SMARCAD1: variants seen among roughly 807,000 people sequenced by gnomAD.
The protein encoded by SMARCAD1 is SNF2 related chromatin remodeling ATPase with DExD box 1.
A neutral mutation model predicts 127.1 loss-of-function variants in SMARCAD1; 25 were observed. That is an observed-to-expected ratio of 0.20 (90% CI 0.14 to 0.27). SMARCAD1 has a LOEUF of 0.27. Among genes scored for constraint, SMARCAD1 ranks in the 10% least tolerant of loss-of-function variants. The pLI is 1.00. For missense variants in SMARCAD1, 807 were observed against 1,206.0 expected (o/e 0.67, Z 4.90); for synonymous variants, 400 against 396.9 (o/e 1.01, Z -0.09).
At position 94,289,599 on chromosome 4, in the gene SMARCAD1, A is replaced by G. The variant is rs1360848663; in HGVS notation, c.*65A>G. On this transcript the variant is annotated 3_prime_UTR_variant, in exon 24 of 24. Transcript: ENST00000354268. ...ACTTGGTGCACTCAAGGACATTTAC[A>G]TTATGATGACCATGGGGTTTATGAA... The G allele has an allele frequency of 2.4e-6, 3 of 1,259,408 alleles. No individual in the cohort carries two copies. The highest frequency in any genetic ancestry group is 1.9e-4 in the Middle Eastern group (1 of 5,376). The allele number at this position is 1,259,408 out of a possible 1,614,324, so 78.0% of individuals were successfully genotyped here.
rs969517533 is a variant in SMARCAD1 at position 94,228,620 on chromosome 4, G to T, written c.368+2324G>T. Reference sequence around the variant, plus strand: ...ATCAGGGTACTGATTCCTTCACCAAGAATATCTTGCAGTGAAAAAAAAAAA... The same window carrying T: ...ATCAGGGTACTGATTCCTTCACCAATAATATCTTGCAGTGAAAAAAAAAAA... On this transcript the variant is annotated intron_variant, in intron 3 of 23. Coordinates refer to ENST00000354268, the MANE Select transcript of SMARCAD1 (RefSeq NM_020159.5). Among the ~76,000 whole-genome samples, 119 of 150,524 alleles carry T rather than the reference G, an allele frequency of 7.9e-4. 3 individuals carry two copies. Among genetic ancestry groups the T allele is most frequent in the Non-Finnish European group, 7.4e-5 (5 of 67,724 alleles).
intron 9 of SMARCAD1, chr4:94,253,764 AAC>A (rs1715544606): frequency 3.7e-6 from 3 of 818,746 alleles, no homozygotes; most frequent in Non-Finnish European, 4.4e-6. Context: ...TATGAATGCC[AAC>A]AGTCATCAAA....
Position 94,250,781 on chromosome 4 carries a change from A to G in SMARCAD1, c.837A>G (p.Glu279=), listed in dbSNP as rs759429185. The G allele has an allele frequency of 6.2e-7, 1 of 1,610,840 alleles. No individual in the cohort carries two copies. Among genetic ancestry groups the G allele is most frequent in the Non-Finnish European group, 8.5e-7 (1 of 1,178,496 alleles). ...QELREVLKEH[E]WMYTEALESL... ...TTAGAGAAGTACTCAAGGAACATGA[A>G]TGGATGTACACAGAAGCTTTAGAAT... Residue 279 remains glutamate, a synonymous_variant, in exon 8 of 24, where the codon GAA becomes GAG. Transcript: ENST00000354268.
chr4:94,232,724 G>C lies in SMARCAD1; in HGVS notation c.369-1230G>C, dbSNP rs377015910. On this transcript the variant is annotated intron_variant, in intron 3 of 23. Coordinates refer to ENST00000354268, the MANE Select transcript of SMARCAD1 (RefSeq NM_020159.5). Reference sequence around the variant, plus strand: ...TCCCAGCACTTTGGAAGGCCAAGGCGGGCGGATCGCTTGAGCCTAGGAGTT... The same window carrying C: ...TCCCAGCACTTTGGAAGGCCAAGGCCGGCGGATCGCTTGAGCCTAGGAGTT... Among the ~76,000 whole-genome samples the C allele has an allele frequency of 2.0e-5, 3 of 152,294 alleles. No homozygotes were observed. The South Asian group carries it at 6.2e-4, about 32-fold the overall frequency.
At position 94,290,942 on chromosome 4, in the gene SMARCAD1, A is replaced by C. The variant is rs931928503; in HGVS notation, c.*1408A>C. The C allele has an allele frequency of 6.6e-6, 3 of 453,388 alleles. No individual in the cohort carries two copies. The highest frequency in any genetic ancestry group is 1.3e-5 in the Non-Finnish European group (3 of 226,472). 28.1% of individuals were successfully genotyped at this position (453,388 alleles called of 1,614,324 possible). A position where few individuals can be genotyped will look rare whatever the true frequency, so the allele number is the denominator to read the frequency against. On this transcript the variant is annotated 3_prime_UTR_variant, in exon 24 of 24. Coordinates refer to ENST00000354268, the MANE Select transcript of SMARCAD1 (RefSeq NM_020159.5). The stretch of plus-strand genomic sequence containing the variant: ...CTCTTACAGTGATTATTTAGATATT[A>C]AAGACTGAGAACTCACGGCTTAACC...
intron 10 of SMARCAD1, among the ~76,000 whole-genome samples, chr4:94,269,399 G>A (rs1752205660): frequency 6.6e-6 from 1 of 152,008 alleles, no homozygotes; most frequent in Non-Finnish European, 1.5e-5. Flanking sequence ...AGGTGTTTTA[G>A]TGAATATGAG....
intron 3 of SMARCAD1, among the ~76,000 whole-genome samples, chr4:94,226,605 C>T (rs1008827834): frequency 2.7e-5 from 4 of 147,320 alleles, no homozygotes; most frequent in Non-Finnish European, 4.4e-5. Flanking sequence ...TACCTTTGAT[C>T]GTGTATAACT....
intron 19 of SMARCAD1, among the ~76,000 whole-genome samples, chr4:94,279,379 A>T (rs1251810867): frequency 6.6e-6 from 1 of 152,064 alleles, no homozygotes; most frequent in Admixed American, 6.6e-5. Context: ...AGCTCAAGCG[A>T]TTCGCCCGCC....
chr4:94,208,239 A>G (rs781275185), intron 1 of SMARCAD1, 107 bp from the exon 2 acceptor site: 3 of 794,386 alleles, frequency 3.8e-6, no homozygotes, highest in South Asian at 2.8e-5. Context: ...GTCCTGAGCC[A>G]CTGGCATGTT....
At chr4:94,277,232 C>G (rs1394377078) in intron 16 of SMARCAD1, 73 bp downstream of exon 16, 3 of 1,555,078 alleles carry the variant, frequency 1.9e-6, no homozygotes, top group East Asian at 2.2e-5. Context: ...TGTTAGGTCT[C>G]TTTTGTTGTT....
intron 22 of SMARCAD1, among the ~76,000 whole-genome samples, chr4:94,284,358 A>AG (rs1754598684): frequency 2.0e-5 from 3 of 149,256 alleles, no homozygotes; most frequent in Non-Finnish European, 4.5e-5. Context: ...AAAAAAGAAA[A>AG]AAGTAATTTC....
intron 6 of SMARCAD1, among the ~76,000 whole-genome samples, chr4:94,247,285 G>A (rs183529402): frequency 7.6e-4 from 116 of 152,218 alleles, no homozygotes; most frequent in Admixed American, 2.6e-3. Context: ...GCACTGGGTC[G>A]AATCATATCC....
intron 2 of SMARCAD1, among the ~76,000 whole-genome samples, chr4:94,214,012 G>C (rs1219964754): frequency 1.3e-5 from 2 of 152,084 alleles, no homozygotes; most frequent in Non-Finnish European, 2.9e-5. Context: ...TAGTGTCCTG[G>C]ATACCTAAAT....
At position 94,290,646 on chromosome 4, in the gene SMARCAD1, A is replaced by T. The variant is rs1291496748; in HGVS notation, c.*1112A>T. 4.4e-6 allele frequency: 2 copies of T among 454,078 alleles called. No individual in the cohort carries two copies. The highest frequency in any genetic ancestry group is 4.0e-5 in the African/African-American group (2 of 50,008). 28.1% of individuals were successfully genotyped at this position (454,078 alleles called of 1,614,324 possible). On this transcript the variant is annotated 3_prime_UTR_variant, in exon 24 of 24. Coordinates refer to ENST00000354268, the MANE Select transcript of SMARCAD1 (RefSeq NM_020159.5). ...TGTGAGTGACAAAGTGAAATTTAGA[A>T]GTGAAGTTGTCTATTTGATATTTAA...
At chr4:94,287,840 T>A (rs1755163183) in intron 23 of SMARCAD1, among the ~76,000 whole-genome samples, 1 of 152,024 alleles carries the variant, frequency 6.6e-6, no homozygotes, top group South Asian at 2.1e-4. Flanking sequence ...ATTTTTTTAT[T>A]ACAGAAATAG....
intron 5 of SMARCAD1, among the ~76,000 whole-genome samples, chr4:94,237,326 A>G (rs1265357016): frequency 1.3e-5 from 2 of 152,122 alleles, no homozygotes; most frequent in Non-Finnish European, 2.9e-5. Flanking sequence ...TAGTAGGAAC[A>G]TAATGTCTTA....
chr4:94,275,796 C>CTTTT lies in SMARCAD1; in HGVS notation c.1809-528_1809-525dup, dbSNP rs535710589. On this transcript the variant is annotated intron_variant, in intron 14 of 23. Transcript: ENST00000354268. ...TGTCCGATTGTAACATTAACATTTT[C>CTTTT]TTTTTTTTTTTTTTTTTTGAGACGG... is the stretch of plus-strand genomic sequence containing the variant. 9.3e-3 allele frequency among the ~76,000 whole-genome samples: 795 copies of CTTTT among 85,348 alleles called. 34 individuals are homozygous for CTTTT. The highest frequency in any genetic ancestry group is 0.028 in the African/African-American group (735 of 26,684). The allele number at this position is 85,348 out of a possible 152,430, so 56.0% of individuals were successfully genotyped here. A position where few individuals can be genotyped will look rare whatever the true frequency, so the allele number is the denominator to read the frequency against.
intron 9 of SMARCAD1, among the ~76,000 whole-genome samples, chr4:94,256,721 A>T (rs1221069276): frequency 6.6e-6 from 1 of 152,146 alleles, no homozygotes; most frequent in African/African-American, 2.4e-5. Context: ...GGCCACTTAA[A>T]GCATGGTAAT....
Position 94,274,743 on chromosome 4 carries a change from T to C in SMARCAD1, c.1678T>C (p.Trp560Arg). ...IVVPASTIDN[W>R]LREVNLWCPT... ...ATGTCTCTTCTGTTCCATAGATAAC[T>C]GGTTAAGGGAAGTTAATTTATGGTG... The change falls in exon 13 of 24, where the codon TGG becomes CGG. Residue 560 changes from tryptophan to arginine, a missense_variant. This residue lies in a region of SMARCAD1 where 148 missense variants were observed against 313.2 expected (regional missense o/e 0.47). Coordinates refer to ENST00000354268, the MANE Select transcript of SMARCAD1 (RefSeq NM_020159.5). The C allele has an allele frequency of 6.2e-7, 1 of 1,613,698 alleles. No individual in the cohort carries two copies.
Sources: allele counts gnomAD v4.1 joint callset (sites outside exome capture counted in the v4.1 genomes callset), GRCh38; gene constraint gnomAD v4.1.1; regional missense constraint gnomAD v4.1.1; transcripts MANE v1.5; gene names NCBI Gene and HGNC (gene_info 2026-07-23, HGNC 2026-07-21).